ZMYM5: variants seen among roughly 807,000 people sequenced by gnomAD.
The protein encoded by ZMYM5 is zinc finger MYM-type containing 5.
ZMYM5 carries 41 observed loss-of-function variants against 61.8 expected under a neutral mutation model. The observed-to-expected ratio is 0.66, with a 90% CI of 0.52 to 0.86. ZMYM5 has a LOEUF of 0.86. Ranked by LOEUF, ZMYM5 falls within the 40% of genes least tolerant of loss-of-function variation. The pLI is 0.00. For missense variants in ZMYM5, 706 were observed against 786.7 expected (o/e 0.90, Z 1.23); for synonymous variants, 257 against 276.4 (o/e 0.93, Z 0.70).
At chr13:19,825,336 AG>A in intron 7 of ZMYM5, 101 bp from the exon 8 acceptor site, 1 of 1,061,460 alleles carries the variant, frequency 9.4e-7, no homozygotes, top group South Asian at 1.8e-5. Context: ...TAGGCATCAA[AG>A]AAATGCCAAT....
intron 2 of ZMYM5, among the ~76,000 whole-genome samples, chr13:19,852,839 C>T (rs887525524): frequency 4.6e-5 from 7 of 152,154 alleles, no homozygotes; most frequent in East Asian, 1.9e-4. Context: ...GACTTAAACT[C>T]AGGGCTCTAA....
At chr13:19,844,619 G>C (rs890408409) in intron 4 of ZMYM5, among the ~76,000 whole-genome samples, 7 of 152,118 alleles carry the variant, frequency 4.6e-5, no homozygotes, top group Admixed American at 2.6e-4. Context: ...TTACAGTACA[G>C]AAAAAGAACT....
chr13:19,845,846 C>A (rs1001931810), intron 4 of ZMYM5, among the ~76,000 whole-genome samples: 1 of 152,208 alleles, frequency 6.6e-6, no homozygotes, highest in Non-Finnish European at 1.5e-5. Flanking sequence ...AAAGGCTGCA[C>A]TGAGCTTCAA....
intron 4 of ZMYM5, among the ~76,000 whole-genome samples, chr13:19,840,399 C>G (rs924958334): frequency 2.0e-5 from 3 of 152,192 alleles, no homozygotes; most frequent in Admixed American, 2.0e-4. Flanking sequence ...GCAGTCCCAG[C>G]TTCTCACTCT....
intron 2 of ZMYM5, 59 bp from the exon 3 acceptor site, chr13:19,852,249 T>C (rs150696327): frequency 6.9e-6 from 10 of 1,443,306 alleles, no homozygotes; most frequent in Middle Eastern, 3.8e-4. Context: ...TGCATTTTAC[T>C]ACAATAAAAT....
chr13:19,847,005 T>C (rs1013327487), intron 4 of ZMYM5, among the ~76,000 whole-genome samples: 1 of 152,178 alleles, frequency 6.6e-6, no homozygotes, highest in South Asian at 2.1e-4. Context: ...TGGAGTGCAA[T>C]GGCATGATCT....
chr13:19,831,860 C>CTTCTT (rs1341160141), intron 7 of ZMYM5, among the ~76,000 whole-genome samples: 2 of 130,024 alleles, frequency 1.5e-5, no homozygotes, highest in Non-Finnish European at 3.2e-5. Flanking sequence ...ATGCATATTT[C>CTTCTT]TTCTTTTGTT....
chr13:19,860,444 GTGTA>G (rs368766294), intron 2 of ZMYM5, among the ~76,000 whole-genome samples: 5,652 of 122,864 alleles, frequency 0.046, 115 homozygotes, highest in South Asian at 0.068. Context: ...GTGTGTGTGT[GTGTA>G]TGTGTGTGTG....
chr13:19,842,188 T>A (rs1952903116), intron 4 of ZMYM5, among the ~76,000 whole-genome samples: 1 of 152,190 alleles, frequency 6.6e-6, no homozygotes, highest in African/African-American at 2.4e-5. Flanking sequence ...GTTTTCCTTT[T>A]GGTGCTGCCA....
intron 4 of ZMYM5, among the ~76,000 whole-genome samples, chr13:19,841,284 A>G (rs1005383029): frequency 6.6e-6 from 1 of 152,150 alleles, no homozygotes; most frequent in Non-Finnish European, 1.5e-5. Context: ...AAAAATTACA[A>G]CAATCTGTGA....
At chr13:19,847,827 T>TTG (rs869139720) in intron 4 of ZMYM5, among the ~76,000 whole-genome samples, 1 of 137,216 alleles carries the variant, frequency 7.3e-6, no homozygotes, top group African/African-American at 2.8e-5. Context: ...TTTTTTTTTT[T>TTG]GTATTTTTAG....
At chr13:19,827,091 G>A (rs1388582403) in intron 7 of ZMYM5, among the ~76,000 whole-genome samples, 10 of 152,172 alleles carry the variant, frequency 6.6e-5, no homozygotes, top group East Asian at 1.9e-4. Context: ...AGGAGTTGGA[G>A]TTGAAAGGGG....
intron 4 of ZMYM5, among the ~76,000 whole-genome samples, chr13:19,843,877 G>A (rs1952981103): frequency 1.3e-5 from 2 of 149,662 alleles, no homozygotes; most frequent in African/African-American, 4.9e-5. Flanking sequence ...GCTCACGCCT[G>A]TAATCCCAGC....
intron 4 of ZMYM5, 149 bp downstream of exon 4, chr13:19,851,206 C>T (rs1010465752): frequency 1.2e-5 from 9 of 733,562 alleles, no homozygotes; most frequent in African/African-American, 3.6e-5. Context: ...GTGAGAAGAG[C>T]GAAACTCGGT....
intron 3 of ZMYM5, 42 bp downstream of exon 3, chr13:19,851,647 C>A: frequency 6.5e-7 from 1 of 1,548,794 alleles, no homozygotes; most frequent in South Asian, 1.3e-5. Context: ...ATTTCAGAGT[C>A]AATTCTGTAG....
At chr13:19,830,742 T>C (rs1891164660) in intron 7 of ZMYM5, among the ~76,000 whole-genome samples, 1 of 151,852 alleles carries the variant, frequency 6.6e-6, no homozygotes, top group Non-Finnish European at 1.5e-5. Flanking sequence ...CCCAGGCTGG[T>C]CTCAAACTCC....
chr13:19,842,852 C>T (rs971436816), intron 4 of ZMYM5, among the ~76,000 whole-genome samples: 9 of 147,826 alleles, frequency 6.1e-5, no homozygotes, highest in Non-Finnish European at 1.2e-4. Context: ...CCCAGCTACT[C>T]GGGAGGCTGA....
chr13:19,839,805 CTAT>C (rs1250409602), intron 4 of ZMYM5, among the ~76,000 whole-genome samples: 4 of 152,142 alleles, frequency 2.6e-5, no homozygotes, highest in Admixed American at 1.3e-4. Flanking sequence ...TAATATAAAT[CTAT>C]TATTATTTCC....
At chr13:19,828,182 CAG>C (rs1891013891) in intron 7 of ZMYM5, among the ~76,000 whole-genome samples, 1 of 150,754 alleles carries the variant, frequency 6.6e-6, no homozygotes, top group East Asian at 2.0e-4. Flanking sequence ...GTAAAAAATG[CAG>C]AGGTGTGGGC....
Sources: gnomAD v4.1 joint callset for allele counts (sites outside exome capture counted in the v4.1 genomes callset) on GRCh38, gnomAD v4.1.1 for gene constraint, MANE v1.5 for transcripts, NCBI Gene and HGNC (gene_info 2026-07-23, HGNC 2026-07-21) for gene names.